Variants in PLCB1 observed in about 807,000 individuals in gnomAD.
The protein encoded by PLCB1 is phospholipase C beta 1.
A neutral mutation model predicts 161.8 loss-of-function variants in PLCB1; 46 were observed. That is an observed-to-expected ratio of 0.28 (90% CI 0.22 to 0.36). The LOEUF is 0.36. Ranked by LOEUF, PLCB1 falls within the 10% of genes least tolerant of loss-of-function variation. The pLI is 1.00. For missense variants in PLCB1, 1,016 were observed against 1,472.5 expected (o/e 0.69, Z 5.07); for synonymous variants, 517 against 503.7 (o/e 1.03, Z -0.35).
chr20:8,333,046 C>A (rs143116796), intron 2 of PLCB1, among the ~76,000 whole-genome samples: 2 of 152,284 alleles, frequency 1.3e-5, no homozygotes, highest in East Asian at 3.9e-4. Context: ...GTGACCATTT[C>A]TCACCAATAA....
At chr20:8,594,557 G>T (rs987644405) in intron 3 of PLCB1, among the ~76,000 whole-genome samples, 1 of 152,068 alleles carries the variant, frequency 6.6e-6, no homozygotes, top group Non-Finnish European at 1.5e-5. Flanking sequence ...ATTTTGAGTA[G>T]CCACTTAGTG....
chr20:8,227,461 CT>C (rs1476457190), intron 2 of PLCB1, among the ~76,000 whole-genome samples: 1 of 152,142 alleles, frequency 6.6e-6, no homozygotes, highest in African/African-American at 2.4e-5. Flanking sequence ...ACATAGCATA[CT>C]GCTGACCTCA....
intron 9 of PLCB1, among the ~76,000 whole-genome samples, chr20:8,659,448 G>A (rs1386943458): frequency 6.6e-6 from 1 of 152,072 alleles, no homozygotes; most frequent in African/African-American, 2.4e-5. Flanking sequence ...AAGAAAATTA[G>A]TGTGTTATCA....
intron 3 of PLCB1, among the ~76,000 whole-genome samples, chr20:8,479,369 C>T (rs2122738898): frequency 6.6e-6 from 1 of 152,192 alleles, no homozygotes; most frequent in South Asian, 2.1e-4. Context: ...TATTTTTAAA[C>T]CTGACAGGAA....
intron 2 of PLCB1, among the ~76,000 whole-genome samples, chr20:8,192,344 G>C (rs931234103): frequency 6.6e-6 from 1 of 151,792 alleles, no homozygotes; most frequent in Non-Finnish European, 1.5e-5. Context: ...TAAAAAAATC[G>C]TATTCACTAG....
intron 31 of PLCB1, among the ~76,000 whole-genome samples, chr20:8,835,139 G>A (rs1389861615): frequency 6.6e-6 from 1 of 150,630 alleles, no homozygotes; most frequent in African/African-American, 2.4e-5. Flanking sequence ...GAGGAGTTGA[G>A]TGAGCCATAA....
At chr20:8,187,923 A>C (rs6055617) in intron 2 of PLCB1, among the ~76,000 whole-genome samples, 1 of 152,004 alleles carries the variant, frequency 6.6e-6, no homozygotes, top group African/African-American at 2.4e-5. Flanking sequence ...AAACCTTACC[A>C]CTTTATTGCT....
chr20:8,729,029 C>G, intron 17 of PLCB1, 21 bp from the exon 18 acceptor site: 1 of 1,522,822 alleles, frequency 6.6e-7, no homozygotes, highest in Non-Finnish European at 8.9e-7. Context: ...ATTGTATTCA[C>G]TACTTAACAT....
chr20:8,176,379 A>C (rs2123078927), intron 2 of PLCB1, among the ~76,000 whole-genome samples: 1 of 152,324 alleles, frequency 6.6e-6, no homozygotes, highest in South Asian at 2.1e-4. Context: ...GGAAAAAGCC[A>C]ATCTCAAAAG....
At chr20:8,781,532 G>A (rs1413156466) in intron 27 of PLCB1, among the ~76,000 whole-genome samples, 3 of 151,724 alleles carry the variant, frequency 2.0e-5, no homozygotes, top group Admixed American at 6.6e-5. Flanking sequence ...GCTTTTTAAC[G>A]CTTTTTCATG....
intron 4 of PLCB1, among the ~76,000 whole-genome samples, chr20:8,637,503 A>T (rs1190594345): frequency 6.6e-6 from 1 of 152,238 alleles, no homozygotes; most frequent in Non-Finnish European, 1.5e-5. Flanking sequence ...AAACTGGAAG[A>T]TGACAGATAA....
chr20:8,775,898 A>G (rs1486026940), intron 27 of PLCB1, among the ~76,000 whole-genome samples: 1 of 152,180 alleles, frequency 6.6e-6, no homozygotes, highest in East Asian at 1.9e-4. Flanking sequence ...CAAGCCCCAC[A>G]TGATTTCGAG....
At position 8,289,659 on chromosome 20, in the gene PLCB1, AT is replaced by A. The variant is rs145198876; in HGVS notation, c.178-81722del. Among the ~76,000 whole-genome samples, 374 of 152,324 alleles carry A rather than the reference AT, an allele frequency of 2.5e-3. 1 individual carries two copies. Among genetic ancestry groups the A allele is most frequent in the Middle Eastern group, 0.017 (5 of 294 alleles). ...AAGGCCTCTATTGAAAGATGAAGTT[AT>A]AAGTCAGGTTGACCAGGCTAACAAG... On this transcript the variant is annotated intron_variant, in intron 2 of 31. Coordinates refer to ENST00000338037, the MANE Select transcript of PLCB1 (RefSeq NM_015192.4).
intron 2 of PLCB1, among the ~76,000 whole-genome samples, chr20:8,323,634 C>A (rs1014232469): frequency 3.3e-5 from 5 of 152,132 alleles, no homozygotes; most frequent in African/African-American, 1.2e-4. Flanking sequence ...CAGGCAATAG[C>A]TGTGTTGCCC....
chr20:8,563,401 C>T (rs555856263), intron 3 of PLCB1, among the ~76,000 whole-genome samples: 1 of 152,028 alleles, frequency 6.6e-6, no homozygotes, highest in Admixed American at 6.6e-5. Flanking sequence ...CATCTCTCTC[C>T]TCCCACTTCT....
At chr20:8,306,696 A>T (rs1350871680) in intron 2 of PLCB1, among the ~76,000 whole-genome samples, 2 of 152,230 alleles carry the variant, frequency 1.3e-5, no homozygotes, top group Non-Finnish European at 2.9e-5. Context: ...TTATGAAAAT[A>T]TTGCAAAGTG....
chr20:8,237,224 G>T (rs1367025344), intron 2 of PLCB1, among the ~76,000 whole-genome samples: 1 of 151,974 alleles, frequency 6.6e-6, no homozygotes, highest in Non-Finnish European at 1.5e-5. Context: ...TAAGTATTCA[G>T]CCAAAGGAAT....
intron 11 of PLCB1, among the ~76,000 whole-genome samples, chr20:8,699,387 A>G (rs910222174): frequency 6.6e-6 from 1 of 152,238 alleles, no homozygotes; most frequent in Non-Finnish European, 1.5e-5. Context: ...CTTTGGATGA[A>G]GAAACTGTGT....
chr20:8,478,154 G>A (rs1258501505), intron 3 of PLCB1, among the ~76,000 whole-genome samples: 1 of 152,198 alleles, frequency 6.6e-6, no homozygotes, highest in African/African-American at 2.4e-5. Context: ...CTCAAGTAAA[G>A]GAGTGAAAGA....
Sources: gnomAD v4.1 joint callset for allele counts (sites outside exome capture counted in the v4.1 genomes callset) on GRCh38, gnomAD v4.1.1 for gene constraint, MANE v1.5 for transcripts, NCBI Gene and HGNC (gene_info 2026-07-23, HGNC 2026-07-21) for gene names.